CLCN5: variants seen among roughly 807,000 people sequenced by gnomAD.
The protein encoded by CLCN5 is Cl-/H+ antiporter 5.
Under a neutral mutation model 54.0 loss-of-function variants are expected in CLCN5, and 17 were observed. The ratio of observed to expected loss-of-function variants is 0.31; its 90% CI spans 0.22 to 0.47. The LOEUF (loss-of-function observed/expected upper bound fraction) is 0.47. Ranked by LOEUF, CLCN5 falls within the 20% of genes least tolerant of loss-of-function variation. The pLI is 1.00. For missense variants in CLCN5, 448 were observed against 646.7 expected, an observed-to-expected ratio of 0.69 and a Z score of 3.33; for synonymous variants, 222 against 233.0, an observed-to-expected ratio of 0.95 and a Z score of 0.43.
chrX:50,003,612 C>A, intron 3 of CLCN5: 1 of 342,066 alleles, frequency 2.9e-6, no homozygotes, highest in Non-Finnish European at 6.0e-6. Flanking sequence ...CTCTCTTGTG[C>A]ATGTGTATAT....
chrX:50,064,353 C>T (rs1275626057), intron 4 of CLCN5, among the ~76,000 whole-genome samples: 2 of 98,076 alleles, frequency 2.0e-5, no homozygotes, highest in Admixed American at 1.1e-4. Context: ...ACAAGCATTC[C>T]TATACACCAA....
intron 3 of CLCN5, among the ~76,000 whole-genome samples, chrX:49,936,446 A>G (rs1195968099): frequency 6.3e-5 from 7 of 111,907 alleles, no homozygotes; most frequent in Non-Finnish European, 1.1e-4. Context: ...ATAATTCATT[A>G]TTTAGGAGCT....
intron 4 of CLCN5, among the ~76,000 whole-genome samples, chrX:50,046,686 G>T (rs782795736): frequency 9.0e-6 from 1 of 111,461 alleles, no homozygotes; most frequent in Admixed American, 9.6e-5. Flanking sequence ...AAAAGCAGAG[G>T]AATGATATGA....
At chrX:49,957,557 C>T (rs1267427748) in intron 3 of CLCN5, among the ~76,000 whole-genome samples, 1 of 111,460 alleles carries the variant, frequency 9.0e-6, no homozygotes, top group African/African-American at 3.3e-5. Context: ...TTCCTAGCCT[C>T]GCCTGTTGGT....
chrX:50,096,288 A>G lies in CLCN5; in HGVS notation c.*4069A>G, dbSNP rs1557195594. 1 of 111,945 alleles carries G rather than the reference A, an allele frequency of 8.9e-6. No individual in the cohort carries two copies. The highest frequency in any genetic ancestry group is 2.8e-4 in the East Asian group (1 of 3,572). 9.2% of individuals were successfully genotyped at this position (111,945 alleles called of 1,213,427 possible). A position where few individuals can be genotyped will look rare whatever the true frequency, so the allele number is the denominator to read the frequency against. On this transcript the variant is annotated 3_prime_UTR_variant, in exon 15 of 15. Coordinates refer to ENST00000376091, the MANE Select transcript of CLCN5 (RefSeq NM_001127898.4). ...ATTGATGTCTAAATATGTAGTCTGA[A>G]CTTAAGTGTCCTAAAACCTTGTTTT... is the stretch of plus-strand genomic sequence containing the variant.
chrX:50,005,528 T>C (rs1930108855), intron 3 of CLCN5, among the ~76,000 whole-genome samples: 1 of 112,176 alleles, frequency 8.9e-6, no homozygotes, highest in African/African-American at 3.2e-5. Flanking sequence ...TTTGGTTCTC[T>C]TTATTTATCA....
rs201387004 is a variant in CLCN5, at chrX:50,092,212, T to A, written c.2444T>A (p.Phe815Tyr). 1 of 1,162,784 alleles carries A rather than the reference T, an allele frequency of 8.6e-7. No individual in the cohort carries two copies. The highest frequency in any genetic ancestry group is 2.2e-5 in the Admixed American group (1 of 45,792). The change falls in exon 15 of 15, where the codon TTC (phenylalanine) becomes TAC (tyrosine). Residue 815 changes from phenylalanine to tyrosine, a missense_variant. Physicochemically the swap from Phe to Tyr is conservative, Grantham distance 22. Coordinates refer to ENST00000376091, the MANE Select transcript of CLCN5 (RefSeq NM_001127898.4). ...AACCAAGATCCTGATTCCATTCTCT[T>A]CAACTAGAATCATAGAGTTCTGGAT... Reference protein sequence around the residue: ...MANQDPDSILFN With the variant: ...MANQDPDSILYN
In CLCN5 at chrX:50,069,575, ACCT is replaced by A. The variant is rs782107135; in HGVS notation, c.164-300_164-298del. On this transcript the variant is annotated intron_variant, in intron 4 of 14. Coordinates refer to ENST00000376091, the MANE Select transcript of CLCN5 (RefSeq NM_001127898.4). The stretch of plus-strand genomic sequence containing the variant: ...AAACTGAAATACCTAAGCTGCTCCA[ACCT>A]CCTTTTTGTCTTTTGTTTCATAAAT... The A allele has an allele frequency of 2.8e-5, 23 of 819,871 alleles. No homozygotes were observed. In the East Asian group the frequency reaches 1.9e-3, roughly 66 times the overall value. 67.6% of individuals were successfully genotyped at this position (819,871 alleles called of 1,213,427 possible). A position where few individuals can be genotyped will look rare whatever the true frequency, so the allele number is the denominator to read the frequency against.
intron 4 of CLCN5, among the ~76,000 whole-genome samples, chrX:50,047,222 G>C (rs1557187848): frequency 4.5e-5 from 5 of 111,956 alleles, no homozygotes. Context: ...TATCACTTCA[G>C]TTAGGCTTCC....
At chrX:49,941,533 G>T (rs1926330797) in intron 3 of CLCN5, among the ~76,000 whole-genome samples, 1 of 110,403 alleles carries the variant, frequency 9.1e-6, no homozygotes, top group Middle Eastern at 4.2e-3. Context: ...AGGATGTCTG[G>T]TTTCTTCTCC....
At chrX:49,977,970 G>A (rs1390468643) in intron 3 of CLCN5, among the ~76,000 whole-genome samples, 1 of 112,038 alleles carries the variant, frequency 8.9e-6, no homozygotes, top group Non-Finnish European at 1.9e-5. Flanking sequence ...AGGCAAACTG[G>A]AGTCAAGCTG....
chrX:49,966,593 T>A (rs868964182), intron 3 of CLCN5, among the ~76,000 whole-genome samples: 4 of 11,923 alleles, frequency 3.4e-4, no homozygotes, highest in Non-Finnish European at 5.7e-4. Context: ...TCTGATCTTT[T>A]TTTTTTTTTT....
In CLCN5 at chrX:49,998,234, C is replaced by T. The variant is rs192338981; in HGVS notation, c.17-44082C>T. On this transcript the variant is annotated intron_variant, in intron 3 of 14. Transcript: ENST00000376091. ...CACAGCTGTTAATGGCAGAACCAGGCATTCCAAAGCTGAGACTATACTGTA... is the reference window on the plus strand; with the variant it reads ...CACAGCTGTTAATGGCAGAACCAGGTATTCCAAAGCTGAGACTATACTGTA... Among the ~76,000 whole-genome samples, 4 of 111,707 alleles carry T rather than the reference C, an allele frequency of 3.6e-5. No individual in the cohort carries two copies. In the Admixed American group the frequency reaches 3.8e-4, roughly 11 times the overall value.
intron 3 of CLCN5, among the ~76,000 whole-genome samples, chrX:49,933,625 G>A (rs1464261966): frequency 8.9e-6 from 1 of 112,188 alleles, no homozygotes; most frequent in African/African-American, 3.2e-5. Flanking sequence ...CTTTGGGCAG[G>A]TTATTTAATC....
intron 4 of CLCN5, among the ~76,000 whole-genome samples, chrX:50,059,541 A>G (rs1932818261): frequency 9.0e-6 from 1 of 111,708 alleles, no homozygotes; most frequent in African/African-American, 3.3e-5. Context: ...CAATAATATC[A>G]ATTGACCTAC....
intron 3 of CLCN5, among the ~76,000 whole-genome samples, chrX:49,932,524 C>T (rs926525212): frequency 1.8e-5 from 2 of 111,945 alleles, no homozygotes; most frequent in African/African-American, 6.5e-5. Flanking sequence ...GCATGTGTGG[C>T]CCCCTGGACA....
chrX:50,069,508 A>T, intron 4 of CLCN5: 1 of 767,660 alleles, frequency 1.3e-6, no homozygotes, highest in African/African-American at 2.3e-5. Flanking sequence ...TCTTGATGTG[A>T]TATGGCTGCA....
At chrX:50,068,319 A>C (rs1277895105) in intron 4 of CLCN5, among the ~76,000 whole-genome samples, 2 of 111,033 alleles carry the variant, frequency 1.8e-5, no homozygotes, top group African/African-American at 3.3e-5. Flanking sequence ...CTCAAGAAAC[A>C]CATCAGCTTT....
intron 3 of CLCN5, among the ~76,000 whole-genome samples, chrX:49,966,111 G>A (rs1927831925): frequency 9.0e-6 from 1 of 111,069 alleles, no homozygotes. Context: ...TGGTCTCATA[G>A]AATGGGTGGA....
Sources: allele counts gnomAD v4.1 joint callset (sites outside exome capture counted in the v4.1 genomes callset), GRCh38; gene constraint gnomAD v4.1.1; transcripts MANE v1.5; gene names NCBI Gene and HGNC (gene_info 2026-07-23, HGNC 2026-07-21).